CDC42: variants seen among roughly 807,000 people sequenced by gnomAD.
CDC42 encodes cell division cycle 42.
CDC42 carries 1 observed loss-of-function variant against 20.8 expected under a neutral mutation model. That is an observed-to-expected ratio of 0.05 (90% CI 0.02 to 0.23). CDC42 has a LOEUF of 0.23. CDC42 is among the 10% of genes least tolerant of loss of function. The pLI, the probability that CDC42 is intolerant of heterozygous loss-of-function variation, is 1.00. For synonymous variants in CDC42, 72 were observed against 84.8 expected (o/e 0.85, Z 0.83); for missense variants, 49 against 227.9 (o/e 0.21, Z 5.05).
At chr1:22,080,625 T>G (rs1261202802) in intron 2 of CDC42, among the ~76,000 whole-genome samples, 3 of 152,210 alleles carry the variant, frequency 2.0e-5, no homozygotes, top group Non-Finnish European at 1.5e-5. Flanking sequence ...ATTGACAGAT[T>G]ATAGTTGTAT....
At position 22,098,491 on chromosome 1, in the gene CDC42, T is replaced by A. The variant is rs959701175; in HGVS notation, c.*6974T>A. 6.6e-6 allele frequency among the ~76,000 whole-genome samples: 1 copy of A among 152,326 alleles called. No individual in the cohort carries two copies. Among genetic ancestry groups the A allele is most frequent in the Non-Finnish European group, 1.5e-5 (1 of 68,012 alleles). Reference sequence around the variant, plus strand: ...TGGTGATAGAACCTTTTTGAAACTTTGAAAAAGTTAAAAGGGTTCTGTGTA... The same window carrying A: ...TGGTGATAGAACCTTTTTGAAACTTAGAAAAAGTTAAAAGGGTTCTGTGTA... On this transcript the variant is annotated 3_prime_UTR_variant, in exon 6 of 6. Coordinates refer to ENST00000656825, the MANE Select transcript of CDC42 (RefSeq NM_001791.4).
rs1645746013 is a variant in CDC42, at chr1:22,094,837, G to A, written c.*3320G>A. ...TGCCCTGCAAGTTGTCACTAAATTT[G>A]TGCTATCATAATTGTTACCTTCATA... On this transcript the variant is annotated 3_prime_UTR_variant, in exon 6 of 6. Coordinates refer to ENST00000656825, the MANE Select transcript of CDC42 (RefSeq NM_001791.4). Among the ~76,000 whole-genome samples, 1 of 152,112 alleles carries A rather than the reference G, an allele frequency of 6.6e-6. No individual in the cohort carries two copies. The highest frequency in any genetic ancestry group is 2.1e-4 in the South Asian group (1 of 4,832).
chr1:22,062,745 A>G (rs1340272565), intron 1 of CDC42, among the ~76,000 whole-genome samples: 1 of 146,902 alleles, frequency 6.8e-6, no homozygotes, highest in South Asian at 2.1e-4. Flanking sequence ...AAAAAAAAAA[A>G]AAAAAAAAAA....
chr1:22,058,935 C>T (rs772295952), intron 1 of CDC42, among the ~76,000 whole-genome samples: 4 of 152,060 alleles, frequency 2.6e-5, no homozygotes, highest in Non-Finnish European at 5.9e-5. Context: ...CAACCTCAGC[C>T]TCCCAAGTAG....
chr1:22,090,116 T>A, intron 5 of CDC42: 1 of 1,513,652 alleles, frequency 6.6e-7, no homozygotes, highest in Non-Finnish European at 8.9e-7. Context: ...AATAAAACCA[T>A]CCTGTTTGAA....
At chr1:22,090,316 G>A (rs546251925) in intron 5 of CDC42, 1 of 1,099,424 alleles carries the variant, frequency 9.1e-7, no homozygotes, top group Admixed American at 4.6e-5. Flanking sequence ...AACTTGGTCT[G>A]GCTTTAAGAA....
chr1:22,095,314 G>C lies in CDC42; in HGVS notation c.*3797G>C, dbSNP rs1645749097. On this transcript the variant is annotated 3_prime_UTR_variant, in exon 6 of 6. Transcript: ENST00000656825. ...AGATGGAGTCTCGTTCTGTCGCCCA[G>C]GCTGGAGTGCAGTGGTGCAATCTCG... is the stretch of plus-strand genomic sequence containing the variant. 1.3e-5 allele frequency among the ~76,000 whole-genome samples: 2 copies of C among 152,048 alleles called. No individual in the cohort carries two copies. The highest frequency in any genetic ancestry group is 2.9e-5 in the Non-Finnish European group (2 of 68,008).
At chr1:22,057,016 G>C (rs994641478) in intron 1 of CDC42, among the ~76,000 whole-genome samples, 2 of 152,162 alleles carry the variant, frequency 1.3e-5, no homozygotes, top group African/African-American at 2.4e-5. Flanking sequence ...GTTCTTGATT[G>C]GTATATTGCT....
rs1411724232 is a variant in CDC42, at chr1:22,095,867, T to G, written c.*4350T>G. ...CAAAGAGGGGCAAGGGAAAGCGCAT[T>G]TACACTTTCTCGTATTCCATTGCCC... is the stretch of plus-strand genomic sequence containing the variant. On this transcript the variant is annotated 3_prime_UTR_variant, in exon 6 of 6. Transcript: ENST00000656825. 6.6e-6 allele frequency among the ~76,000 whole-genome samples: 1 copy of G among 152,188 alleles called. No individual in the cohort carries two copies. The highest frequency in any genetic ancestry group is 2.4e-5 in the African/African-American group (1 of 41,436).
chr1:22,079,139 C>CTTTTTTTTTTTTT (rs10609742), intron 2 of CDC42, among the ~76,000 whole-genome samples: 1 of 116,740 alleles, frequency 8.6e-6, no homozygotes, highest in Non-Finnish European at 1.7e-5. Flanking sequence ...TTCTTTTTTT[C>CTTTTTTTTTTTTT]TTTTTTTTTT....
chr1:22,058,552 C>G (rs1029827498), intron 1 of CDC42, among the ~76,000 whole-genome samples: 2 of 151,318 alleles, frequency 1.3e-5, no homozygotes, highest in African/African-American at 4.9e-5. Flanking sequence ...GCATGATCTC[C>G]ACTCACTGCA....
At chr1:22,085,363 T>A (rs1645651958) in intron 3 of CDC42, among the ~76,000 whole-genome samples, 2 of 152,200 alleles carry the variant, frequency 1.3e-5, no homozygotes. Flanking sequence ...TGTAGCCTTG[T>A]AGTAAGTTTT....
At chr1:22,084,768 A>G (rs1282499669) in intron 3 of CDC42, among the ~76,000 whole-genome samples, 1 of 152,034 alleles carries the variant, frequency 6.6e-6, no homozygotes, top group Non-Finnish European at 1.5e-5. Flanking sequence ...TGGGAGTTTT[A>G]AAGTTTTAGG....
intron 3 of CDC42, among the ~76,000 whole-genome samples, chr1:22,084,145 A>ATC (rs991843187): frequency 3.9e-5 from 6 of 152,164 alleles, no homozygotes; most frequent in Non-Finnish European, 8.8e-5. Flanking sequence ...GGGTATACAG[A>ATC]TACCTTGTTG....
At chr1:22,059,985 C>T (rs1354735283) in intron 1 of CDC42, among the ~76,000 whole-genome samples, 1 of 152,184 alleles carries the variant, frequency 6.6e-6, no homozygotes, top group Non-Finnish European at 1.5e-5. Context: ...GTGTTTATTA[C>T]CTGTGTCCAT....
intron 1 of CDC42, among the ~76,000 whole-genome samples, chr1:22,066,441 T>A (rs1569980164): frequency 6.6e-6 from 1 of 152,220 alleles, no homozygotes; most frequent in Non-Finnish European, 1.5e-5. Flanking sequence ...TAATTACTCC[T>A]GTGATTCATT....
chr1:22,064,162 T>A (rs1233871703), intron 1 of CDC42: 1 of 152,066 alleles, frequency 6.6e-6, no homozygotes, highest in East Asian at 1.9e-4. Context: ...ATAAATTACC[T>A]GAAGTGGAAA....
chr1:22,091,120 C>T (rs1645711450), intron 5 of CDC42, among the ~76,000 whole-genome samples: 1 of 152,240 alleles, frequency 6.6e-6, no homozygotes, highest in South Asian at 2.1e-4. Flanking sequence ...CATTACAAAA[C>T]TCATACTGAA....
chr1:22,082,445 T>G (rs1221291097), intron 3 of CDC42, among the ~76,000 whole-genome samples: 1 of 152,232 alleles, frequency 6.6e-6, no homozygotes, highest in Non-Finnish European at 1.5e-5. Context: ...CTTCCTTAAA[T>G]GTACCTAATT....
Sources: gnomAD v4.1 joint callset for allele counts (sites outside exome capture counted in the v4.1 genomes callset) on GRCh38, gnomAD v4.1.1 for gene constraint, MANE v1.5 for transcripts, NCBI Gene and HGNC (gene_info 2026-07-23, HGNC 2026-07-21) for gene names.